The following TAFA5 variants were observed in gnomAD, a reference collection of about 807,000 sequenced individuals.
TAFA5 encodes TAFA chemokine like family member 5.
A neutral mutation model predicts 15.3 loss-of-function variants in TAFA5; 6 were observed. That is an observed-to-expected ratio of 0.39 (90% confidence interval 0.21 to 0.77). The LOEUF (loss-of-function observed/expected upper bound fraction) is 0.77, where lower values mean the gene tolerates loss of function less well. Ranked by LOEUF, TAFA5 falls within the 30% of genes least tolerant of loss-of-function variation. The pLI is 0.41. For missense variants in TAFA5, 161 were observed against 193.1 expected, an observed-to-expected ratio of 0.83 and a Z score of 0.98; for synonymous variants, 103 against 80.7, an observed-to-expected ratio of 1.28 and a Z score of -1.48.
At position 48,666,503 on chromosome 22, in the gene TAFA5, A is replaced by G. The variant is rs11913836; in HGVS notation, c.262+19757A>G. On this transcript the variant is annotated intron_variant, in intron 2 of 3. Coordinates refer to ENST00000402357, the MANE Select transcript of TAFA5 (RefSeq NM_001082967.3). Reference sequence around the variant, plus strand: ...AATTGATGAGCCAATACTGAGGCCCATGACCAGGCGTTACTGAGGCCCGTG... The same window carrying G: ...AATTGATGAGCCAATACTGAGGCCCGTGACCAGGCGTTACTGAGGCCCGTG... Among the ~76,000 whole-genome samples the G allele has an allele frequency of 5.3e-3, 787 of 149,448 alleles. 7 individuals carry two copies. Among genetic ancestry groups the G allele is most frequent in the South Asian group, 0.011 (52 of 4,668 alleles).
intron 2 of TAFA5, among the ~76,000 whole-genome samples, chr22:48,703,375 A>G (rs973116661): frequency 6.6e-6 from 1 of 152,194 alleles, no homozygotes; most frequent in African/African-American, 2.4e-5. Flanking sequence ...CACCGTGCAT[A>G]GTACCACATC....
chr22:48,715,842 G>T (rs948797503), intron 3 of TAFA5, among the ~76,000 whole-genome samples: 5 of 152,232 alleles, frequency 3.3e-5, no homozygotes, highest in African/African-American at 1.2e-4. Flanking sequence ...AGACAAGTGG[G>T]ATGGGGAGCT....
intron 2 of TAFA5, among the ~76,000 whole-genome samples, chr22:48,683,407 A>T (rs1416602614): frequency 6.6e-6 from 1 of 152,224 alleles, no homozygotes; most frequent in South Asian, 2.1e-4. Context: ...CTAACAGCCC[A>T]GTGCTCAGTT....
intron 1 of TAFA5, among the ~76,000 whole-genome samples, chr22:48,645,774 C>T (rs940947932): frequency 6.6e-6 from 1 of 152,034 alleles, no homozygotes; most frequent in African/African-American, 2.4e-5. Context: ...GGCACGTGCA[C>T]CCCTGGGGAG....
chr22:48,514,105 A>T (rs1166237445), intron 1 of TAFA5, among the ~76,000 whole-genome samples: 1 of 152,096 alleles, frequency 6.6e-6, no homozygotes, highest in Non-Finnish European at 1.5e-5. Flanking sequence ...GAAGGAGGTC[A>T]AGGCTAGTGT....
chr22:48,643,563 C>G (rs1056161395), intron 1 of TAFA5, among the ~76,000 whole-genome samples: 1 of 152,204 alleles, frequency 6.6e-6, no homozygotes, highest in Admixed American at 6.5e-5. Context: ...GGGACAACAG[C>G]TTGCCCAGGG....
At chr22:48,527,941 G>T (rs1369369533) in intron 1 of TAFA5, among the ~76,000 whole-genome samples, 2 of 152,360 alleles carry the variant, frequency 1.3e-5, no homozygotes, top group Admixed American at 6.5e-5. Context: ...CTCTTCTTCA[G>T]GCACTTCTGA....
At chr22:48,571,734 C>T (rs1923601283) in intron 1 of TAFA5, among the ~76,000 whole-genome samples, 2 of 151,716 alleles carry the variant, frequency 1.3e-5, no homozygotes, top group African/African-American at 2.4e-5. Flanking sequence ...TGACTATTTC[C>T]TCCTCTTTGT....
intron 1 of TAFA5, among the ~76,000 whole-genome samples, chr22:48,645,448 G>T (rs1235340601): frequency 6.6e-6 from 1 of 152,160 alleles, no homozygotes; most frequent in Non-Finnish European, 1.5e-5. Context: ...CCCTTGCAGA[G>T]ACAGCCTTCT....
intron 2 of TAFA5, among the ~76,000 whole-genome samples, chr22:48,660,816 T>G (rs898994411): frequency 6.6e-6 from 1 of 151,970 alleles, no homozygotes; most frequent in African/African-American, 2.4e-5. Flanking sequence ...TCTGGGTGGG[T>G]TTTGGGGGTC....
At chr22:48,743,923 G>T (rs1298823574) in intron 3 of TAFA5, among the ~76,000 whole-genome samples, 2 of 152,228 alleles carry the variant, frequency 1.3e-5, no homozygotes, top group African/African-American at 4.8e-5. Flanking sequence ...GGTGGCCTGG[G>T]GCACTGTGTC....
rs150764105 is a variant in TAFA5, at chr22:48,601,562, G to A, written c.113-45035G>A. Reference sequence around the variant, plus strand: ...GGCTGGTCTCAAACTCCTGACCTCAGGCGATCCTCCCACTTTGGCCTCCCA... The same window carrying A: ...GGCTGGTCTCAAACTCCTGACCTCAAGCGATCCTCCCACTTTGGCCTCCCA... On this transcript the variant is annotated intron_variant, in intron 1 of 3. Coordinates refer to ENST00000402357, the MANE Select transcript of TAFA5 (RefSeq NM_001082967.3). Among the ~76,000 whole-genome samples the A allele has an allele frequency of 4.7e-3, 713 of 152,190 alleles. 3 individuals are homozygous for A. The highest frequency in any genetic ancestry group is 0.016 in the African/African-American group (683 of 41,544).
At chr22:48,582,976 A>C (rs1294217949) in intron 1 of TAFA5, among the ~76,000 whole-genome samples, 4 of 97,774 alleles carry the variant, frequency 4.1e-5, no homozygotes, top group Admixed American at 2.1e-4. Flanking sequence ...ACCACACACA[A>C]AATACACCAC....
At chr22:48,642,754 T>G (rs955740871) in intron 1 of TAFA5, among the ~76,000 whole-genome samples, 5 of 152,070 alleles carry the variant, frequency 3.3e-5, no homozygotes, top group Non-Finnish European at 7.4e-5. Flanking sequence ...TGGGCACGTG[T>G]TTGGTCAGTG....
intron 1 of TAFA5, among the ~76,000 whole-genome samples, chr22:48,517,808 C>A (rs1179716976): frequency 6.6e-6 from 1 of 152,196 alleles, no homozygotes; most frequent in East Asian, 1.9e-4. Context: ...TCTCCCCTGC[C>A]CCCTCTGTTG....
At chr22:48,691,207 C>G (rs892926452) in intron 2 of TAFA5, among the ~76,000 whole-genome samples, 1 of 152,254 alleles carries the variant, frequency 6.6e-6, no homozygotes, top group East Asian at 1.9e-4. Context: ...GGCTCGGGTG[C>G]GAGGTGCAGG....
intron 2 of TAFA5, among the ~76,000 whole-genome samples, chr22:48,656,584 C>A (rs1332698752): frequency 6.6e-6 from 1 of 150,594 alleles, no homozygotes; most frequent in Non-Finnish European, 1.5e-5. Flanking sequence ...CACGTGAACA[C>A]ACTAAAAAAA....
rs1379725278 is a variant in TAFA5 at position 48,566,261 on chromosome 22, A to G, written c.112+76557A>G. On this transcript the variant is annotated intron_variant, in intron 1 of 3. Transcript: ENST00000402357. The surrounding 1 kb of genome is among the most constrained non-coding windows in gnomAD (Gnocchi z 4.5). The stretch of plus-strand genomic sequence containing the variant: ...TGGGTGGATGGTAGGTAGATGGATG[A>G]TGGGTGATGAATGTATGATGGGTGG... Among the ~76,000 whole-genome samples the G allele has an allele frequency of 6.9e-6, 1 of 144,524 alleles. No homozygotes were observed. Among genetic ancestry groups the G allele is most frequent in the Non-Finnish European group, 1.5e-5 (1 of 66,500 alleles). 94.8% of individuals were successfully genotyped at this position (144,524 alleles called of 152,430 possible).
At chr22:48,604,870 A>G in intron 1 of TAFA5, among the ~76,000 whole-genome samples, 1 of 151,970 alleles carries the variant, frequency 6.6e-6, no homozygotes, top group Non-Finnish European at 1.5e-5. Flanking sequence ...CTTGTTGCAG[A>G]GTGCATTTTC....
Sources: allele counts gnomAD v4.1 joint callset (sites outside exome capture counted in the v4.1 genomes callset), GRCh38; gene constraint gnomAD v4.1.1; non-coding constraint Gnocchi (gnomAD v3.1); transcripts MANE v1.5; gene names NCBI Gene and HGNC (gene_info 2026-07-23, HGNC 2026-07-21).